Variants in ADCK1 observed in about 807,000 individuals in gnomAD.
ADCK1 encodes aarF domain-containing protein kinase 1.
Under a neutral mutation model 52.3 loss-of-function variants are expected in ADCK1, and 41 were observed. The observed-to-expected ratio is 0.78, with a 90% CI of 0.61 to 1.02. The LOEUF is 1.02. Ranked by LOEUF, ADCK1 falls within the 50% of genes least tolerant of loss-of-function variation. The pLI, the probability that ADCK1 is intolerant of heterozygous loss-of-function variation, is 0.00. For missense variants in ADCK1, 658 were observed against 679.5 expected (o/e 0.97, Z 0.35); for synonymous variants, 250 against 274.6 (o/e 0.91, Z 0.89).
chr14:77,815,297 C>T (rs1259112508), intron 1 of ADCK1, among the ~76,000 whole-genome samples: 2 of 150,358 alleles, frequency 1.3e-5, no homozygotes, highest in African/African-American at 2.4e-5. Flanking sequence ...TCGAGACCTC[C>T]TAGGCTCAAG....
intron 2 of ADCK1, 27 bp downstream of exon 2, chr14:77,819,140 A>G (rs1424404079): frequency 3.1e-6 from 5 of 1,613,030 alleles, no homozygotes; most frequent in African/African-American, 2.7e-5. Flanking sequence ...TGGGGGTAGC[A>G]GAGAAGCTGC....
intron 4 of ADCK1, among the ~76,000 whole-genome samples, chr14:77,860,557 T>C (rs1005402789): frequency 1.3e-5 from 2 of 152,094 alleles, no homozygotes; most frequent in African/African-American, 4.8e-5. Context: ...CAGGTGAACA[T>C]AGAAACATCT....
intron 3 of ADCK1, among the ~76,000 whole-genome samples, chr14:77,842,448 TTTCCTTCCTTCC>T (rs746756710): frequency 0.029 from 2,695 of 91,948 alleles, 34 homozygotes; most frequent in African/African-American, 0.048. Flanking sequence ...GGTATTTTTT[TTTCCTTCCTTCC>T]TTCCTTCCTT....
Position 77,813,201 on chromosome 14 carries a change from C to T in ADCK1, c.-11-5767C>T, listed in dbSNP as rs1041890212. Among the ~76,000 whole-genome samples, 3 of 152,080 alleles carry T rather than the reference C, an allele frequency of 2.0e-5. No homozygotes were observed. The South Asian group carries it at 6.2e-4, about 32-fold the overall frequency. On this transcript the variant is annotated intron_variant, in intron 1 of 10. Coordinates refer to ENST00000238561, the MANE Select transcript of ADCK1 (RefSeq NM_020421.4). ...ATTTTTACTAGAGACTGGGTTTCTC[C>T]GTGTTGGTCAGTCTGGTCTTGAACT...
chr14:77,913,228 C>A (rs540586264), intron 7 of ADCK1, among the ~76,000 whole-genome samples: 1 of 152,218 alleles, frequency 6.6e-6, no homozygotes, highest in Non-Finnish European at 1.5e-5. Context: ...ACTGTCCAGG[C>A]GGTTCAGACA....
At chr14:77,887,398 G>C in intron 5 of ADCK1, 149 bp downstream of exon 5, 13 of 931,170 alleles carry the variant, frequency 1.4e-5, no homozygotes, top group Non-Finnish European at 1.9e-5. Flanking sequence ...CGACAGAGGA[G>C]GTGTTATGAC....
chr14:77,810,850 C>T lies in ADCK1; in HGVS notation c.-11-8118C>T, dbSNP rs150634726. On this transcript the variant is annotated intron_variant, in intron 1 of 10. Transcript: ENST00000238561. ...CCGGCAAGGCTGGGTTCTTTACCCA[C>T]GGTCTCTTCATACTGCCTTCCTAAT... 9.5e-3 allele frequency among the ~76,000 whole-genome samples: 1,442 copies of T among 152,262 alleles called. 18 individuals are homozygous for T. Among genetic ancestry groups the T allele is most frequent in the South Asian group, 0.032 (153 of 4,830 alleles).
intron 3 of ADCK1, among the ~76,000 whole-genome samples, chr14:77,825,121 A>C (rs1464601581): frequency 6.6e-6 from 1 of 152,186 alleles, no homozygotes; most frequent in Non-Finnish European, 1.5e-5. Context: ...TAATCATTTT[A>C]TCTTTATTCT....
chr14:77,825,663 G>A (rs8014701), intron 3 of ADCK1, among the ~76,000 whole-genome samples: 1,776 of 144,842 alleles, frequency 0.012, 35 homozygotes, highest in African/African-American at 0.044. Context: ...TTTTTGAGAC[G>A]GAGTTTTTGC....
chr14:77,823,534 C>G (rs1281716242), intron 3 of ADCK1, among the ~76,000 whole-genome samples: 1 of 151,938 alleles, frequency 6.6e-6, no homozygotes, highest in Non-Finnish European at 1.5e-5. Flanking sequence ...CAACATTTTG[C>G]CCATCTTGTT....
At chr14:77,864,058 C>G (rs536437807) in intron 4 of ADCK1, among the ~76,000 whole-genome samples, 4 of 152,184 alleles carry the variant, frequency 2.6e-5, no homozygotes, top group Admixed American at 2.6e-4. Flanking sequence ...CAGTTTTTCA[C>G]CCCCTGGTCT....
chr14:77,808,071 C>T (rs1244466717), intron 1 of ADCK1, among the ~76,000 whole-genome samples: 1 of 152,134 alleles, frequency 6.6e-6, no homozygotes, highest in African/African-American at 2.4e-5. Context: ...CTGACAGATC[C>T]ACTGGAGAAA....
chr14:77,805,338 C>T (rs567697227), intron 1 of ADCK1, among the ~76,000 whole-genome samples: 49 of 143,996 alleles, frequency 3.4e-4, no homozygotes, highest in African/African-American at 1.2e-3. Context: ...CTTGGCTCAC[C>T]GCAACCTCCG....
At chr14:77,922,915 G>A (rs966331955) in intron 7 of ADCK1, among the ~76,000 whole-genome samples, 9 of 152,262 alleles carry the variant, frequency 5.9e-5, no homozygotes, top group African/African-American at 2.2e-4. Flanking sequence ...AATAAACATC[G>A]AGGCAGGAAC....
intron 1 of ADCK1, among the ~76,000 whole-genome samples, chr14:77,803,288 A>G (rs2081150660): frequency 1.3e-5 from 2 of 152,134 alleles, no homozygotes; most frequent in South Asian, 4.1e-4. Flanking sequence ...TCATGGAACT[A>G]GAGACCTAAG....
rs372253385 is a variant in ADCK1, at chr14:77,859,062, C to T, written c.220-14C>T. 1.3e-6 allele frequency: 2 copies of T among 1,588,044 alleles called. No homozygotes were observed. Among genetic ancestry groups the T allele is most frequent in the East Asian group, 4.5e-5 (2 of 44,620 alleles). ...GCACTCACACCTCTCTGGTCCTGGCCTGTCTTCCTGCAGGTGCACCTTCGC... is the reference window on the plus strand; with the variant it reads ...GCACTCACACCTCTCTGGTCCTGGCTTGTCTTCCTGCAGGTGCACCTTCGC... On this transcript the variant is annotated splice_polypyrimidine_tract_variant and intron_variant, in intron 3 of 10. Coordinates refer to ENST00000238561, the MANE Select transcript of ADCK1 (RefSeq NM_020421.4).
intron 5 of ADCK1, among the ~76,000 whole-genome samples, chr14:77,889,298 AAT>A (rs1163238766): frequency 2.0e-5 from 3 of 151,318 alleles, no homozygotes; most frequent in Non-Finnish European, 2.9e-5. Context: ...GTAAGAGACT[AAT>A]AAAATATAAT....
At chr14:77,859,411 C>A (rs1487298098) in intron 4 of ADCK1, 132 bp downstream of exon 4, 1 of 870,528 alleles carries the variant, frequency 1.1e-6, no homozygotes, top group Admixed American at 2.8e-5. Context: ...CAGCCACTCT[C>A]AGTGCTGAAA....
chr14:77,862,962 G>A (rs1594961679), intron 4 of ADCK1, among the ~76,000 whole-genome samples: 3 of 152,216 alleles, frequency 2.0e-5, no homozygotes, highest in African/African-American at 7.2e-5. Flanking sequence ...TGGAATTGGA[G>A]GAGGTGGATG....
Sources: gnomAD v4.1 joint callset for allele counts (sites outside exome capture counted in the v4.1 genomes callset) on GRCh38, gnomAD v4.1.1 for gene constraint, MANE v1.5 for transcripts, NCBI Gene and HGNC (gene_info 2026-07-23, HGNC 2026-07-21) for gene names.